Variants in ANKRD44 observed in about 807,000 individuals in gnomAD.
The protein encoded by ANKRD44 is ankyrin repeat domain 44.
ANKRD44 carries 35 observed loss-of-function variants against 116.0 expected under a neutral mutation model. The ratio of observed to expected loss-of-function variants is 0.30; its 90% CI spans 0.23 to 0.40. ANKRD44 has a LOEUF of 0.40. ANKRD44 is among the 10% of genes least tolerant of loss of function. The pLI, the probability that ANKRD44 is intolerant of heterozygous loss-of-function variation, is 1.00. For missense variants in ANKRD44, 1,014 were observed against 1,242.6 expected, an observed-to-expected ratio of 0.82 and a Z score of 2.77; for synonymous variants, 435 against 461.8, an observed-to-expected ratio of 0.94 and a Z score of 0.74.
At chr2:197,307,821 T>TA (rs1230963406) in intron 1 of ANKRD44, among the ~76,000 whole-genome samples, 1 of 152,014 alleles carries the variant, frequency 6.6e-6, no homozygotes, top group East Asian at 1.9e-4. Context: ...TTATCAACAG[T>TA]AAAAAATCCA....
intron 1 of ANKRD44, among the ~76,000 whole-genome samples, chr2:197,256,940 A>C (rs1480732134): frequency 1.3e-5 from 2 of 152,208 alleles, no homozygotes; most frequent in Non-Finnish European, 2.9e-5. Context: ...GAGGAAGAAG[A>C]AAAAAACTGT....
intron 1 of ANKRD44, among the ~76,000 whole-genome samples, chr2:197,236,149 C>G (rs543898055): frequency 2.0e-5 from 3 of 152,190 alleles, no homozygotes; most frequent in South Asian, 2.1e-4. Context: ...GCAGGGCAAA[C>G]AGGCTGCAAG....
chr2:197,250,377 T>C (rs557952037), intron 1 of ANKRD44, among the ~76,000 whole-genome samples: 3 of 152,200 alleles, frequency 2.0e-5, no homozygotes, highest in Non-Finnish European at 4.4e-5. Context: ...TTGACTTCCA[T>C]GAAGTCTCAT....
chr2:197,196,320 G>T (rs556459248), intron 1 of ANKRD44, among the ~76,000 whole-genome samples: 2 of 152,140 alleles, frequency 1.3e-5, no homozygotes, highest in Non-Finnish European at 2.9e-5. Flanking sequence ...TAATTTATTT[G>T]TCTGTTCAAA....
intron 2 of ANKRD44, among the ~76,000 whole-genome samples, chr2:197,175,477 C>T (rs1243608871): frequency 1.3e-5 from 2 of 152,106 alleles, no homozygotes. Flanking sequence ...GCACTGATGA[C>T]AAAAGACAGA....
chr2:197,183,418 T>C lies in ANKRD44; in HGVS notation c.111+3605A>G, dbSNP rs960497499. 5.3e-5 allele frequency among the ~76,000 whole-genome samples: 8 copies of C among 152,268 alleles called. No individual in the cohort carries two copies. In the South Asian group the frequency reaches 1.2e-3, roughly 24 times the overall value. Reference sequence around the variant, plus strand: ...TTTCCTTCCTTGACATTTAAATACATGGTTATCAGCCCCTTTTCCCCTTTG... The same window carrying C: ...TTTCCTTCCTTGACATTTAAATACACGGTTATCAGCCCCTTTTCCCCTTTG... On this transcript the variant is annotated intron_variant, in intron 2 of 27. Coordinates refer to ENST00000282272, the MANE Select transcript of ANKRD44 (RefSeq NM_001195144.2).
chr2:196,968,772 A>G (rs1267807133), intron 21 of ANKRD44, among the ~76,000 whole-genome samples: 3 of 152,130 alleles, frequency 2.0e-5, no homozygotes, highest in African/African-American at 7.2e-5. Flanking sequence ...CTGTCACATT[A>G]ATAGCTATCA....
At chr2:197,240,193 G>T (rs1025760942) in intron 1 of ANKRD44, among the ~76,000 whole-genome samples, 1 of 151,922 alleles carries the variant, frequency 6.6e-6, no homozygotes, top group South Asian at 2.1e-4. Flanking sequence ...TAGCCAACAC[G>T]GTGAAACCCT....
chr2:197,147,831 G>T, intron 2 of ANKRD44: 1 of 453,728 alleles, frequency 2.2e-6, no homozygotes, highest in South Asian at 1.6e-5. Context: ...AGTGGTCAGT[G>T]AGGCCTTTCT....
chr2:197,093,806 A>G (rs1466098004), intron 10 of ANKRD44, among the ~76,000 whole-genome samples: 1 of 152,212 alleles, frequency 6.6e-6, no homozygotes, highest in African/African-American at 2.4e-5. Flanking sequence ...GTCTTAGCCA[A>G]TTAAGAAGCA....
chr2:197,065,443 T>C (rs1166693235), intron 16 of ANKRD44, among the ~76,000 whole-genome samples: 1 of 151,960 alleles, frequency 6.6e-6, no homozygotes, highest in Non-Finnish European at 1.5e-5. Flanking sequence ...AAGAAATAAC[T>C]AAGATCAGAG....
chr2:197,048,359 G>A (rs1327842397), intron 16 of ANKRD44, among the ~76,000 whole-genome samples: 2 of 151,992 alleles, frequency 1.3e-5, no homozygotes, highest in Non-Finnish European at 2.9e-5. Flanking sequence ...TCCCTGACAG[G>A]CCCCAGTGTG....
intron 6 of ANKRD44, 77 bp from the exon 7 acceptor site, chr2:197,122,869 A>G: frequency 1.3e-6 from 2 of 1,529,768 alleles, no homozygotes; most frequent in South Asian, 1.2e-5. Flanking sequence ...TAAATTATCA[A>G]CTATTAGCTT....
rs572847607 is a variant in ANKRD44, at chr2:197,299,694, G to A, written c.27+10884C>T. On this transcript the variant is annotated intron_variant, in intron 1 of 27. Coordinates refer to ENST00000282272, the MANE Select transcript of ANKRD44 (RefSeq NM_001195144.2). ...GGGGAATCAGGGAAATGGTGAGAAA[G>A]GAGTGAGGGATAAAAGACTACACAT... Among the ~76,000 whole-genome samples, 10 of 152,184 alleles carry A rather than the reference G, an allele frequency of 6.6e-5. No individual in the cohort carries two copies. The South Asian group carries it at 1.9e-3, about 28-fold the overall frequency.
intron 11 of ANKRD44, among the ~76,000 whole-genome samples, chr2:197,089,279 GA>G (rs375845002): frequency 8.0e-5 from 12 of 150,014 alleles, no homozygotes; most frequent in South Asian, 2.1e-4. Flanking sequence ...GTACTTAAAG[GA>G]AAAAAAAATG....
At chr2:197,281,060 C>T (rs1369584623) in intron 1 of ANKRD44, among the ~76,000 whole-genome samples, 1 of 151,938 alleles carries the variant, frequency 6.6e-6, no homozygotes, top group Non-Finnish European at 1.5e-5. Flanking sequence ...GTTAACCTGC[C>T]AGAGTCCTGA....
chr2:197,171,039 G>T (rs2080221801), intron 2 of ANKRD44, among the ~76,000 whole-genome samples: 2 of 152,192 alleles, frequency 1.3e-5, no homozygotes, highest in Non-Finnish European at 2.9e-5. Context: ...TCCAGCGTTT[G>T]TTTAATCAGG....
intron 16 of ANKRD44, 110 bp downstream of exon 16, chr2:197,078,593 A>C: frequency 6.5e-7 from 1 of 1,535,176 alleles, no homozygotes; most frequent in Non-Finnish European, 8.8e-7. Context: ...TCATGGACCC[A>C]CTTTTTACAC....
intron 21 of ANKRD44, among the ~76,000 whole-genome samples, chr2:196,970,046 A>C (rs1228745241): frequency 6.6e-6 from 1 of 152,222 alleles, no homozygotes; most frequent in African/African-American, 2.4e-5. Flanking sequence ...CTTTAAAATC[A>C]GTCTTGTGTT....
Sources: allele counts gnomAD v4.1 joint callset (sites outside exome capture counted in the v4.1 genomes callset), GRCh38; gene constraint gnomAD v4.1.1; transcripts MANE v1.5; gene names NCBI Gene and HGNC (gene_info 2026-07-23, HGNC 2026-07-21).